Variants in XRCC3 observed in about 807,000 individuals in gnomAD.
The protein encoded by XRCC3 is DNA repair protein XRCC3.
A neutral mutation model predicts 29.2 loss-of-function variants in XRCC3; 34 were observed. That is an observed-to-expected ratio of 1.16 (90% confidence interval 0.88 to 1.55). The LOEUF (loss-of-function observed/expected upper bound fraction) is 1.55, where lower values mean the gene tolerates loss of function less well. Among genes scored for constraint, XRCC3 ranks in the 40% most tolerant of loss-of-function variants. The pLI is 0.00. For missense variants in XRCC3, 463 were observed against 467.6 expected (o/e 0.99, Z 0.09); for synonymous variants, 223 against 211.3 (o/e 1.06, Z -0.48).
At chr14:103,707,557 G>A (rs1595668460) in intron 5 of XRCC3, 6 of 428,156 alleles carry the variant, frequency 1.4e-5, no homozygotes, top group East Asian at 4.9e-5. Flanking sequence ...AAAAGGCACA[G>A]CTCTGTCCAG....
chr14:103,702,939 T>C (rs1329586623), intron 7 of XRCC3: 7 of 623,802 alleles, frequency 1.1e-5, no homozygotes, highest in Non-Finnish European at 1.9e-5. Flanking sequence ...GCAAGGGTCC[T>C]GGCAGGATGC....
At chr14:103,705,881 G>A (rs972860320) in intron 6 of XRCC3, 3 of 172,228 alleles carry the variant, frequency 1.7e-5, no homozygotes, top group South Asian at 2.6e-4. Context: ...GAGCACGCTC[G>A]AGTCCCGCCT....
intron 7 of XRCC3, chr14:103,701,760 C>G (rs2083208489): frequency 6.6e-6 from 1 of 152,276 alleles, no homozygotes; most frequent in South Asian, 2.1e-4. Context: ...TGTAGTCCCA[C>G]CTACTCTGGA....
In XRCC3 at chr14:103,699,479, C is replaced by T. The variant is rs772408011; in HGVS notation, c.659G>A (p.Arg220His). 1.8e-5 allele frequency: 29 copies of T among 1,612,666 alleles called. No homozygotes were observed. Among genetic ancestry groups the T allele is most frequent in the South Asian group, 4.4e-5 (4 of 91,050 alleles). The change falls in exon 8 of 10, where the codon CGC becomes CAC. Residue 220 changes from arginine (R) to histidine (H), a missense_variant. Coordinates refer to ENST00000555055, the MANE Select transcript of XRCC3 (RefSeq NM_005432.4). ...GGAGGCCTGGCTGTCAAATTCACAG[C>T]GGAATGGGGCTGCCACCGAGTCGAT... is the stretch of plus-strand genomic sequence containing the variant. ...VVIDSVAAPF[R>H]CEFDSQASAP...
intron 4 of XRCC3, 150 bp downstream of exon 4, chr14:103,710,883 C>CA: frequency 1.2e-5 from 8 of 694,292 alleles, no homozygotes; most frequent in African/African-American, 8.9e-5. Context: ...CACACACACA[C>CA]CTGAAAATCC....
intron 7 of XRCC3, chr14:103,702,112 C>T (rs2083235852): frequency 6.6e-6 from 1 of 152,452 alleles, no homozygotes; most frequent in Non-Finnish European, 1.5e-5. Flanking sequence ...GCTCACAGCA[C>T]TGCTGCCCCA....
chr14:103,714,619 CA>C (rs1413927834), intron 1 of XRCC3, among the ~76,000 whole-genome samples: 1 of 152,130 alleles, frequency 6.6e-6, no homozygotes, highest in South Asian at 2.1e-4. Flanking sequence ...TCAAAAAAAA[CA>C]ATAAAAATTC....
chr14:103,700,576 G>C (rs535130609), intron 7 of XRCC3: 21 of 1,153,948 alleles, frequency 1.8e-5, no homozygotes, highest in Non-Finnish European at 2.5e-5. Context: ...CCACACGCTG[G>C]TGTCACGCCC....
At chr14:103,708,238 C>T in intron 5 of XRCC3, 1 of 489,236 alleles carries the variant, frequency 2.0e-6, no homozygotes, top group Non-Finnish European at 3.7e-6. Flanking sequence ...GTGCTGACTG[C>T]CAAATCCACC....
At position 103,714,587 on chromosome 14, in the gene XRCC3, C is replaced by T. The variant is rs576261216; in HGVS notation, c.-318+837G>A. ...GTGAAGACGCCACTGCACTCCACCC[C>T]GGATGACAGAGCCAGACTGTCTCAA... is the stretch of plus-strand genomic sequence containing the variant. On this transcript the variant is annotated intron_variant, in intron 1 of 9. Transcript: ENST00000555055. Among the ~76,000 whole-genome samples, 506 of 152,224 alleles carry T rather than the reference C, an allele frequency of 3.3e-3. 3 individuals are homozygous for T. Among genetic ancestry groups the T allele is most frequent in the African/African-American group, 0.011 (437 of 41,518 alleles).
At position 103,703,307 on chromosome 14, in the gene XRCC3, C is replaced by G. The variant is rs1309630582; in HGVS notation, c.427G>C (p.Glu143Gln). 6.4e-7 allele frequency: 1 copy of G among 1,554,114 alleles called. No individual in the cohort carries two copies. Among genetic ancestry groups the G allele is most frequent in the Non-Finnish European group, 8.7e-7 (1 of 1,152,436 alleles). The change falls in exon 7 of 10, where the codon GAA (glutamate) becomes CAA (glutamine). Residue 143 changes from glutamate (E) to glutamine (Q), a missense_variant. Physicochemically the swap from Glu to Gln is conservative, Grantham distance 29. Coordinates refer to ENST00000555055, the MANE Select transcript of XRCC3 (RefSeq NM_005432.4). ...LEAGAVYICT[E>Q]DAFPHKRLQQ... The stretch of plus-strand genomic sequence containing the variant: ...AGGCGCTTGTGCGGGAAGGCGTCTT[C>G]CGTGCAGATGTAGACGGCTCCTGGG...
intron 6 of XRCC3, chr14:103,705,349 T>A (rs961228845): frequency 2.0e-5 from 3 of 152,250 alleles, no homozygotes; most frequent in Non-Finnish European, 4.4e-5. Context: ...CGTGTTTTTG[T>A]TGGGGTGACG....
rs778439328 is a variant in XRCC3, at chr14:103,703,249, C to T, written c.485G>A (p.Arg162His). The T allele has an allele frequency of 1.5e-5, 23 of 1,562,482 alleles. No individual in the cohort carries two copies. In the Middle Eastern group the frequency reaches 5.0e-4, roughly 34 times the overall value. ...QQLMAQQPRL[R>H]TDVPGELLQK... ...AAGCAGCTCTCCTGGAACGTCAGTG[C>T]GCAGCCGCGGCTGCTGGGCCATGAG... The change falls in exon 7 of 10, where the codon CGC becomes CAC. Residue 162 changes from arginine (R) to histidine (H), a missense_variant. Physicochemically the swap from Arg to His is conservative, Grantham distance 29. Coordinates refer to ENST00000555055, the MANE Select transcript of XRCC3 (RefSeq NM_005432.4).
rs2083520306 is a variant in XRCC3, at chr14:103,708,514, C to T, written c.193+8G>A. On this transcript the variant is annotated splice_region_variant and intron_variant, in intron 5 of 9. Transcript: ENST00000555055. ...TCACCCCTGGCAGAGATGCCAGGGCCCACCTACCTGTAAGGATGCTGCTTC... is the reference window on the plus strand; with the variant it reads ...TCACCCCTGGCAGAGATGCCAGGGCTCACCTACCTGTAAGGATGCTGCTTC... The T allele has an allele frequency of 6.2e-7, 1 of 1,613,668 alleles. No individual in the cohort carries two copies. Among genetic ancestry groups the T allele is most frequent in the Non-Finnish European group, 8.5e-7 (1 of 1,179,972 alleles).
chr14:103,701,215 C>A, intron 7 of XRCC3: 1 of 1,550,400 alleles, frequency 6.4e-7, no homozygotes, highest in East Asian at 2.4e-5. Flanking sequence ...CCCGACCTGG[C>A]CCCGCTCCAG....
At chr14:103,706,016 C>T (rs886390040) in intron 6 of XRCC3, 14 of 257,798 alleles carry the variant, frequency 5.4e-5, no homozygotes, top group African/African-American at 3.1e-4. Flanking sequence ...GACTCAGGCA[C>T]CTGACAAGAG....
chr14:103,702,727 G>C (rs1313608355), intron 7 of XRCC3: 1 of 197,500 alleles, frequency 5.1e-6, no homozygotes, highest in African/African-American at 2.3e-5. Flanking sequence ...TCCTGGCCAG[G>C]ATTCTGTTTG....
At position 103,699,351 on chromosome 14, in the gene XRCC3, C is replaced by T. The variant is rs2082900883; in HGVS notation, c.774+13G>A. The T allele has an allele frequency of 6.3e-7, 1 of 1,592,954 alleles. No homozygotes were observed. On this transcript the variant is annotated intron_variant, in intron 8 of 9. Coordinates refer to ENST00000555055, the MANE Select transcript of XRCC3 (RefSeq NM_005432.4). The stretch of plus-strand genomic sequence containing the variant: ...ATACGAGCTCAGGGGTGCAACCCTG[C>T]CTTGGTGCTCACCTGGTTGATGCAC...
intron 6 of XRCC3, 78 bp downstream of exon 6, chr14:103,706,925 C>T (rs2083456110): frequency 6.8e-7 from 1 of 1,471,040 alleles, no homozygotes; most frequent in Non-Finnish European, 9.2e-7. Flanking sequence ...GCCACTGCCC[C>T]ACCTCAACGG....
Sources: allele counts gnomAD v4.1 joint callset (sites outside exome capture counted in the v4.1 genomes callset), GRCh38; gene constraint gnomAD v4.1.1; transcripts MANE v1.5; gene names NCBI Gene and HGNC (gene_info 2026-07-23, HGNC 2026-07-21).